The following CDH4 variants were observed in gnomAD, a reference collection of about 807,000 sequenced individuals.
CDH4 encodes the protein cadherin 4, also known as cadherin-4.
A neutral mutation model predicts 86.0 loss-of-function variants in CDH4; 33 were observed. That is an observed-to-expected ratio of 0.38 (90% CI 0.29 to 0.51). CDH4 has a LOEUF of 0.51. CDH4 is among the 20% of genes least tolerant of loss of function. The probability of loss-of-function intolerance (pLI) is 0.86; values close to 1 mark genes in which losing one functional copy is unlikely to be tolerated. For missense variants in CDH4, 1,114 were observed against 1,307.4 expected, an observed-to-expected ratio of 0.85 and a Z score of 2.28; for synonymous variants, 555 against 549.4, an observed-to-expected ratio of 1.01 and a Z score of -0.14.
At chr20:61,277,162 C>A (rs1018221829) in intron 2 of CDH4, among the ~76,000 whole-genome samples, 11 of 152,188 alleles carry the variant, frequency 7.2e-5, no homozygotes, top group Middle Eastern at 3.2e-3. Flanking sequence ...TTGCCATTTC[C>A]CCTGTGGGAA....
intron 2 of CDH4, among the ~76,000 whole-genome samples, chr20:61,285,430 C>T (rs924611212): frequency 3.9e-5 from 6 of 152,126 alleles, no homozygotes; most frequent in Admixed American, 6.5e-5. Context: ...GGTCCGAGGC[C>T]GTGGCGCATG....
At chr20:61,375,982 G>A (rs1382579996) in intron 2 of CDH4, among the ~76,000 whole-genome samples, 3 of 99,232 alleles carry the variant, frequency 3.0e-5, no homozygotes, top group African/African-American at 7.7e-5. Flanking sequence ...GGTATGGTTT[G>A]TTGATGGTAG....
At chr20:61,405,492 G>A (rs1027002575) in intron 2 of CDH4, among the ~76,000 whole-genome samples, 1 of 151,886 alleles carries the variant, frequency 6.6e-6, no homozygotes, top group Non-Finnish European at 1.5e-5. Context: ...GTACAACGAC[G>A]CGCTGTCACC....
chr20:61,444,173 T>C (rs1368958526), intron 2 of CDH4, among the ~76,000 whole-genome samples: 1 of 150,266 alleles, frequency 6.7e-6, no homozygotes, highest in Non-Finnish European at 1.5e-5. Context: ...TGTGTGTGTG[T>C]CTTTGTGGAT....
At chr20:61,668,355 G>A (rs944260) in intron 2 of CDH4, among the ~76,000 whole-genome samples, 112,125 of 152,206 alleles carry the variant, frequency 0.74, 41,377 homozygotes, top group African/African-American at 0.78. Context: ...CCCCGAAGCC[G>A]CAGAGGATGC....
intron 6 of CDH4, among the ~76,000 whole-genome samples, chr20:61,870,630 G>A (rs1311668377): frequency 2.0e-5 from 3 of 152,206 alleles, no homozygotes; most frequent in African/African-American, 7.2e-5. Flanking sequence ...AATGCCGGGG[G>A]CCACGGGTGG....
chr20:61,908,887 G>A (rs942842005), intron 8 of CDH4, among the ~76,000 whole-genome samples: 1 of 152,242 alleles, frequency 6.6e-6, no homozygotes, highest in Non-Finnish European at 1.5e-5. Context: ...AGGCTCCTGG[G>A]TTCAGGTCAC....
intron 3 of CDH4, among the ~76,000 whole-genome samples, chr20:61,749,047 A>G (rs908904267): frequency 1.3e-5 from 2 of 152,202 alleles, no homozygotes; most frequent in Non-Finnish European, 2.9e-5. Context: ...AGAAATAAAT[A>G]CCATGCAAGT....
At position 61,493,636 on chromosome 20, in the gene CDH4, T is replaced by G. The variant is rs6121645; in HGVS notation, c.169+238699T>G. On this transcript the variant is annotated intron_variant, in intron 2 of 15. Transcript: ENST00000614565. ...GACAGGTTCCCAGGGGGATATCCGC[T>G]GCACACAGGGTAGATTCCCACTCCA... Among the ~76,000 whole-genome samples the G allele has an allele frequency of 6.4e-3, 977 of 152,308 alleles. 8 individuals are homozygous for G. Among genetic ancestry groups the G allele is most frequent in the African/African-American group, 0.023 (941 of 41,576 alleles).
At chr20:61,750,957 TAAAG>T (rs1039361239) in intron 3 of CDH4, among the ~76,000 whole-genome samples, 1 of 152,098 alleles carries the variant, frequency 6.6e-6, no homozygotes, top group African/African-American at 2.4e-5. Flanking sequence ...TGAGAAAAAT[TAAAG>T]AACTATAAAA....
rs529230859 is a variant in CDH4, at chr20:61,424,095, T to C, written c.169+169158T>C. Among the ~76,000 whole-genome samples, 4 of 151,180 alleles carry C rather than the reference T, an allele frequency of 2.6e-5. No homozygotes were observed. In the East Asian group the frequency reaches 5.9e-4, roughly 22 times the overall value. On this transcript the variant is annotated intron_variant, in intron 2 of 15. Coordinates refer to ENST00000614565, the MANE Select transcript of CDH4 (RefSeq NM_001794.5). Reference sequence around the variant, plus strand: ...CACACAGCACACACGTATACACACGTATACACACATATACACACATAGCAC... The same window carrying C: ...CACACAGCACACACGTATACACACGCATACACACATATACACACATAGCAC...
At chr20:61,933,640 G>A (rs1344977271) in intron 14 of CDH4, among the ~76,000 whole-genome samples, 2 of 148,522 alleles carry the variant, frequency 1.3e-5, no homozygotes, top group Admixed American at 1.3e-4. Flanking sequence ...ACGAACGTGA[G>A]GCATGTGCCT....
intron 2 of CDH4, among the ~76,000 whole-genome samples, chr20:61,346,012 G>A (rs1568806992): frequency 1.3e-5 from 2 of 152,224 alleles, no homozygotes; most frequent in Admixed American, 6.5e-5. Context: ...CCCTGGGAGA[G>A]GCAGAACACA....
chr20:61,786,107 G>C (rs539831633), intron 4 of CDH4, among the ~76,000 whole-genome samples: 1 of 152,282 alleles, frequency 6.6e-6, no homozygotes, highest in South Asian at 2.1e-4. Flanking sequence ...GGCTTTGGGG[G>C]TCTTCGGCTC....
At chr20:61,286,139 A>T (rs187438462) in intron 2 of CDH4, among the ~76,000 whole-genome samples, 1 of 152,222 alleles carries the variant, frequency 6.6e-6, no homozygotes, top group African/African-American at 2.4e-5. Context: ...GTGAGCATTC[A>T]TATCTCCTTC....
intron 2 of CDH4, among the ~76,000 whole-genome samples, chr20:61,327,848 C>T (rs1280979720): frequency 6.6e-6 from 1 of 152,206 alleles, no homozygotes; most frequent in Non-Finnish European, 1.5e-5. Flanking sequence ...TGTCTCACCT[C>T]ACTCCAGAGC....
rs79567312 is a variant in CDH4 at position 61,810,432 on chromosome 20, C to T, written c.577-34236C>T. Among the ~76,000 whole-genome samples, 567 of 152,232 alleles carry T rather than the reference C, an allele frequency of 3.7e-3. 2 individuals carry two copies. The highest frequency in any genetic ancestry group is 0.012 in the African/African-American group (506 of 41,540). ...AAGTTTCTGACCTGGGTTCTCAGAC[C>T]CAAGTTCTGACCCGGGTTCTCAGAC... On this transcript the variant is annotated intron_variant, in intron 4 of 15. Coordinates refer to ENST00000614565, the MANE Select transcript of CDH4 (RefSeq NM_001794.5). This position sits in a 1 kb window ranked among gnomAD's most constrained non-coding sequence, Gnocchi z 4.3.
At chr20:61,568,415 T>C (rs112740331) in intron 2 of CDH4, among the ~76,000 whole-genome samples, 4,443 of 152,326 alleles carry the variant, frequency 0.029, 165 homozygotes, top group African/African-American at 0.086. Flanking sequence ...CTTTCCCTTC[T>C]GCCATGATTG....
At chr20:61,882,336 C>A (rs1344608548) in intron 7 of CDH4, among the ~76,000 whole-genome samples, 2 of 152,248 alleles carry the variant, frequency 1.3e-5, no homozygotes, top group African/African-American at 4.8e-5. Context: ...GTGCCCTCAG[C>A]GGCACGGCCC....
Sources: allele counts gnomAD v4.1 joint callset (sites outside exome capture counted in the v4.1 genomes callset), GRCh38; gene constraint gnomAD v4.1.1; non-coding constraint Gnocchi (gnomAD v3.1); transcripts MANE v1.5; gene names NCBI Gene and HGNC (gene_info 2026-07-23, HGNC 2026-07-21).